PACRG: variants seen among roughly 807,000 people sequenced by gnomAD.
PACRG encodes the protein parkin coregulated.
A neutral mutation model predicts 29.7 loss-of-function variants in PACRG; 29 were observed. That is an observed-to-expected ratio of 0.98 (90% CI 0.73 to 1.33). PACRG has a LOEUF of 1.33. PACRG is among the 40% of genes most tolerant of loss of function. PACRG has a pLI of 0.00. For missense variants in PACRG, 279 were observed against 316.2 expected (o/e 0.88, Z 0.89); for synonymous variants, 116 against 118.7 (o/e 0.98, Z 0.15).
intron 4 of PACRG, among the ~76,000 whole-genome samples, chr6:163,113,132 C>T (rs1298868724): frequency 6.6e-6 from 1 of 152,106 alleles, no homozygotes; most frequent in Admixed American, 6.6e-5. Context: ...GATACAAAAG[C>T]ATGTTAGAGT....
At chr6:162,882,128 G>A (rs568408733) in intron 2 of PACRG, among the ~76,000 whole-genome samples, 23 of 143,078 alleles carry the variant, frequency 1.6e-4, no homozygotes, top group African/African-American at 5.0e-4. Context: ...AGAGACCAAG[G>A]GGTGATCTCT....
At chr6:162,749,775 C>T (rs1412785283) in intron 1 of PACRG, among the ~76,000 whole-genome samples, 1 of 152,166 alleles carries the variant, frequency 6.6e-6, no homozygotes, top group South Asian at 2.1e-4. Flanking sequence ...CCGCCTCGGC[C>T]TCCCAAAGTG....
chr6:162,955,209 G>A (rs1799924371), intron 2 of PACRG, among the ~76,000 whole-genome samples: 1 of 152,160 alleles, frequency 6.6e-6, no homozygotes, highest in African/African-American at 2.4e-5. Context: ...CAGGTGAGGT[G>A]GGTAGGGTTC....
At chr6:163,061,340 T>A (rs751521199) in intron 2 of PACRG, among the ~76,000 whole-genome samples, 5 of 152,102 alleles carry the variant, frequency 3.3e-5, no homozygotes, top group Non-Finnish European at 5.9e-5. Context: ...CTTCTACAGG[T>A]AGATGATTCC....
intron 1 of PACRG, among the ~76,000 whole-genome samples, chr6:162,799,226 A>T (rs1322948302): frequency 6.6e-6 from 1 of 152,238 alleles, no homozygotes; most frequent in Non-Finnish European, 1.5e-5. Context: ...ACTAAAAAAT[A>T]ATAAAATGTA....
intron 2 of PACRG, among the ~76,000 whole-genome samples, chr6:162,911,093 G>T (rs189020016): frequency 7.2e-4 from 110 of 152,290 alleles, no homozygotes; most frequent in South Asian, 1.2e-3. Context: ...GTCATGATGC[G>T]CATCTGCATC....
chr6:162,982,298 T>G (rs56324797), intron 2 of PACRG, among the ~76,000 whole-genome samples: 3,189 of 152,198 alleles, frequency 0.021, 97 homozygotes, highest in African/African-American at 0.065. Flanking sequence ...TTCAATTTCA[T>G]GTAGTTCTGC....
At chr6:163,204,781 C>A (rs1185176011) in intron 4 of PACRG, among the ~76,000 whole-genome samples, 1 of 152,178 alleles carries the variant, frequency 6.6e-6, no homozygotes, top group Non-Finnish European at 1.5e-5. Context: ...GTCAAACTAT[C>A]CCTATTTGCA....
At chr6:163,106,300 T>G (rs1815378624) in intron 4 of PACRG, among the ~76,000 whole-genome samples, 1 of 152,214 alleles carries the variant, frequency 6.6e-6, no homozygotes, top group Non-Finnish European at 1.5e-5. Flanking sequence ...GGTATTTAAT[T>G]ACACTGTTAT....
intron 2 of PACRG, among the ~76,000 whole-genome samples, chr6:162,986,826 C>T (rs1382278359): frequency 6.6e-6 from 1 of 152,014 alleles, no homozygotes; most frequent in Non-Finnish European, 1.5e-5. Context: ...ATTTCCAGTG[C>T]ATTTCATATT....
chr6:162,988,531 G>T (rs1406677572), intron 2 of PACRG, among the ~76,000 whole-genome samples: 1 of 152,144 alleles, frequency 6.6e-6, no homozygotes, highest in African/African-American at 2.4e-5. Context: ...AGTTGTTTTG[G>T]ATAGGATCAG....
chr6:162,897,941 T>G (rs948089858), intron 2 of PACRG, among the ~76,000 whole-genome samples: 10 of 152,098 alleles, frequency 6.6e-5, no homozygotes, highest in Non-Finnish European at 1.5e-4. Flanking sequence ...CAGAACGAGG[T>G]GGTCACCCTG....
intron 2 of PACRG, among the ~76,000 whole-genome samples, chr6:162,855,529 A>G (rs1791315429): frequency 6.6e-6 from 1 of 152,244 alleles, no homozygotes; most frequent in Non-Finnish European, 1.5e-5. Context: ...GAAGAAATAC[A>G]GAGTGAGGGA....
At chr6:162,842,359 T>A (rs1402817686) in intron 2 of PACRG, among the ~76,000 whole-genome samples, 5 of 146,888 alleles carry the variant, frequency 3.4e-5, no homozygotes, top group Non-Finnish European at 7.6e-5. Context: ...AATGGCCTTC[T>A]TTGTCTCTTT....
At chr6:163,289,587 A>G (rs1784513289) in intron 4 of PACRG, among the ~76,000 whole-genome samples, 1 of 152,240 alleles carries the variant, frequency 6.6e-6, no homozygotes, top group Non-Finnish European at 1.5e-5. Context: ...CATTCTATTA[A>G]TAGCTGCAGT....
chr6:163,262,640 C>T (rs1295977808), intron 4 of PACRG, among the ~76,000 whole-genome samples: 1 of 152,008 alleles, frequency 6.6e-6, no homozygotes, highest in Admixed American at 6.6e-5. Context: ...TATTCCCTCC[C>T]CTTTACTTAA....
At chr6:162,937,841 A>C (rs747973802) in intron 2 of PACRG, among the ~76,000 whole-genome samples, 1 of 152,134 alleles carries the variant, frequency 6.6e-6, no homozygotes, top group Non-Finnish European at 1.5e-5. Flanking sequence ...AAAGTATAAA[A>C]CAACAATACC....
At chr6:163,262,597 T>C (rs1162898158) in intron 4 of PACRG, among the ~76,000 whole-genome samples, 1 of 152,056 alleles carries the variant, frequency 6.6e-6, no homozygotes, top group East Asian at 1.9e-4. Flanking sequence ...GTGGTTGATC[T>C]CGATGCTCAG....
At chr6:163,011,658 G>A (rs1402085531) in intron 2 of PACRG, among the ~76,000 whole-genome samples, 7 of 152,040 alleles carry the variant, frequency 4.6e-5, no homozygotes, top group Non-Finnish European at 8.8e-5. Flanking sequence ...CTCACTGTAA[G>A]TTTTTTACTT....
Sources: gnomAD v4.1 joint callset for allele counts (sites outside exome capture counted in the v4.1 genomes callset) on GRCh38, gnomAD v4.1.1 for gene constraint, MANE v1.5 for transcripts, NCBI Gene and HGNC (gene_info 2026-07-23, HGNC 2026-07-21) for gene names.